Variants in PRKDC observed in about 807,000 individuals in gnomAD.
The protein encoded by PRKDC is DNA-dependent protein kinase catalytic subunit.
A neutral mutation model predicts 486.9 loss-of-function variants in PRKDC; 82 were observed. That is an observed-to-expected ratio of 0.17 (90% CI 0.14 to 0.20). The LOEUF is 0.20. PRKDC is among the 10% of genes least tolerant of loss of function. The probability of loss-of-function intolerance (pLI) is 1.00; values close to 1 mark genes in which losing one functional copy is unlikely to be tolerated. For missense variants in PRKDC, 4,504 were observed against 5,038.2 expected, an observed-to-expected ratio of 0.89 and a Z score of 3.21; for synonymous variants, 1,895 against 1,837.0, an observed-to-expected ratio of 1.03 and a Z score of -0.81.
intron 30 of PRKDC, among the ~76,000 whole-genome samples, chr8:47,894,675 A>T (rs905114531): frequency 1.6e-4 from 24 of 152,114 alleles, no homozygotes; most frequent in African/African-American, 5.8e-4. Flanking sequence ...CAGAGGGACA[A>T]CCCTGCACCT....
chr8:47,887,365 C>T (rs1361341430), intron 35 of PRKDC, among the ~76,000 whole-genome samples, 182 bp downstream of exon 35: 3 of 152,158 alleles, frequency 2.0e-5, no homozygotes, highest in East Asian at 1.9e-4. Flanking sequence ...TGTTCTATTC[C>T]GTTCTTTTTT....
chr8:47,943,220 A>G lies in PRKDC; in HGVS notation c.955T>C (p.Phe319Leu). The change falls in exon 10 of 86, where the codon TTT (phenylalanine) becomes CTT (leucine). Residue 319 changes from phenylalanine (F) to leucine (L), a missense_variant. By Grantham distance (22) the Phe-to-Leu change is conservative. This residue lies in a region of PRKDC where 1,969 missense variants were observed against 2,068.9 expected (regional missense o/e 0.95). Transcript: ENST00000314191. Reference sequence around the variant, plus strand: ...TGAATTTGTGGTACCTGTTTCAGAAAGGATTCCAGGGCTGAAAGTGCAGCT... The same window carrying G: ...TGAATTTGTGGTACCTGTTTCAGAAGGGATTCCAGGGCTGAAAGTGCAGCT... ...KKAALSALES[F>L]LKQVSNMVAK... 1.9e-6 allele frequency: 3 copies of G among 1,611,016 alleles called. No homozygotes were observed. Among genetic ancestry groups the G allele is most frequent in the Non-Finnish European group, 2.5e-6 (3 of 1,179,202 alleles).
At chr8:47,871,159 A>G (rs2088943728) in intron 40 of PRKDC, among the ~76,000 whole-genome samples, 1 of 152,208 alleles carries the variant, frequency 6.6e-6, no homozygotes, top group Admixed American at 6.5e-5. Flanking sequence ...CAGGGGTAGA[A>G]AGTTTTTTCA....
intron 21 of PRKDC, among the ~76,000 whole-genome samples, chr8:47,924,666 C>T (rs1415086237): frequency 6.6e-6 from 1 of 152,118 alleles, no homozygotes; most frequent in African/African-American, 2.4e-5. Flanking sequence ...CTAGAGGTCC[C>T]TTCAGTGGCC....
At chr8:47,798,019 CA>C (rs1416875051) in intron 73 of PRKDC, among the ~76,000 whole-genome samples, 5 of 152,232 alleles carry the variant, frequency 3.3e-5, no homozygotes, top group East Asian at 1.9e-4. Context: ...TGTTCAGACA[CA>C]GTGTTTTTAT....
chr8:47,930,702 GA>G lies in PRKDC; in HGVS notation c.1861del (p.Ser621ArgfsTer33). 6.3e-7 allele frequency: 1 copy of G among 1,582,032 alleles called. No individual in the cohort carries two copies. Among genetic ancestry groups the G allele is most frequent in the Admixed American group, 1.8e-5 (1 of 55,222 alleles). On this transcript the variant is annotated frameshift_variant, in exon 17 of 86. Transcript: ENST00000314191. LOFTEE classifies it high-confidence loss of function. ...AAATTCCACCAGGTTAATGAAAGCC[GA>G]AAAATCTTTAGGTTTAGCTGGATGC... Reference protein sequence around the residue: ...NLHPAKPKDFSAFINLVEFCR... With the variant: ...NLHPAKPKDFXAFINLVEFCR...
chr8:47,842,568 G>A (rs1047178642), intron 54 of PRKDC, among the ~76,000 whole-genome samples: 1 of 151,788 alleles, frequency 6.6e-6, no homozygotes, highest in Non-Finnish European at 1.5e-5. Context: ...GGAAAATGAT[G>A]AATAAGAAAA....
intron 16 of PRKDC, among the ~76,000 whole-genome samples, 151 bp from the exon 17 acceptor site, chr8:47,930,938 T>C (rs1027373640): frequency 2.0e-5 from 3 of 152,168 alleles, no homozygotes; most frequent in African/African-American, 4.8e-5. Context: ...TCAAGACCTA[T>C]GGTCTGATAA....
chr8:47,896,283 T>C (rs1248733628), intron 30 of PRKDC, among the ~76,000 whole-genome samples: 1 of 152,068 alleles, frequency 6.6e-6, no homozygotes, highest in Non-Finnish European at 1.5e-5. Flanking sequence ...AAGTCCTTTT[T>C]AGTTTTAGAA....
At chr8:47,808,673 T>C (rs1441236846) in intron 68 of PRKDC, among the ~76,000 whole-genome samples, 1 of 152,170 alleles carries the variant, frequency 6.6e-6, no homozygotes, top group Non-Finnish European at 1.5e-5. Context: ...ATAATTTACA[T>C]GTATGATTCT....
In PRKDC at chr8:47,882,036, T is replaced by G. The variant is rs767235558; in HGVS notation, c.4838A>C (p.His1613Pro). Reference protein sequence around the residue: ...QSFRERANQKHQGLKLATTIL... With the variant: ...QSFRERANQKPQGLKLATTIL... ...TGTAGTCGCAAGTTTCAGTCCTTGG[T>G]GTTTCTGGTTTGCTCGCTCCCTGAA... Residue 1613 changes from histidine (H) to proline (P), a missense_variant, in exon 37 of 86, where the codon CAC becomes CCC. Around this residue, in one of 6 missense-constraint regions of PRKDC, gnomAD observed 1,969 missense variants for 2,068.9 expected, o/e 0.95. Coordinates refer to ENST00000314191, the MANE Select transcript of PRKDC (RefSeq NM_006904.7). 24 of 1,613,936 alleles carry G rather than the reference T, an allele frequency of 1.5e-5. No homozygotes were observed. The highest frequency in any genetic ancestry group is 8.5e-7 in the Non-Finnish European group (1 of 1,179,892).
At chr8:47,845,329 A>G (rs750612673) in intron 54 of PRKDC, among the ~76,000 whole-genome samples, 26 of 152,244 alleles carry the variant, frequency 1.7e-4, no homozygotes, top group Non-Finnish European at 2.8e-4. Context: ...ATCTACACAA[A>G]GATTCAACAA....
intron 76 of PRKDC, among the ~76,000 whole-genome samples, chr8:47,788,398 C>A (rs535748090): frequency 2.6e-5 from 4 of 152,312 alleles, no homozygotes; most frequent in South Asian, 4.1e-4. Context: ...AACTCCAGCA[C>A]CCTCTGAAAG....
At chr8:47,775,708 A>G (rs1382089256) in intron 85 of PRKDC, among the ~76,000 whole-genome samples, 1 of 152,012 alleles carries the variant, frequency 6.6e-6, no homozygotes, top group Admixed American at 6.6e-5. Context: ...AAATTGTTTA[A>G]TTTTGATGAA....
chr8:47,796,612 T>G (rs982692470), intron 73 of PRKDC, among the ~76,000 whole-genome samples: 14 of 151,862 alleles, frequency 9.2e-5, no homozygotes, highest in East Asian at 1.9e-4. Flanking sequence ...TGTTGTTGTT[T>G]TTTTTGAGAC....
chr8:47,874,090 C>T (rs1333606797), intron 40 of PRKDC, among the ~76,000 whole-genome samples: 1 of 150,420 alleles, frequency 6.6e-6, no homozygotes, highest in Non-Finnish European at 1.5e-5. Context: ...ACTACAGGCG[C>T]CCACCACCAC....
At position 47,954,398 on chromosome 8, in the gene PRKDC, C is replaced by T; in HGVS notation, c.448G>A (p.Gly150Arg). 7.3e-7 allele frequency: 1 copy of T among 1,373,560 alleles called. No individual in the cohort carries two copies. The highest frequency in any genetic ancestry group is 1.5e-5 in the African/African-American group (1 of 68,504). The allele number at this position is 1,373,560 out of a possible 1,614,324, so 85.1% of individuals were successfully genotyped here. The change falls in exon 5 of 86, where the codon GGA becomes AGA. Residue 150 changes from glycine (G) to arginine (R), a missense_variant. Physicochemically the swap from Gly to Arg is moderately radical, Grantham distance 125. Transcript: ENST00000314191. ...SSRLMDEFKI[G>R]ELFSKFYGEL... Reference sequence around the variant, plus strand: ...CCATAGAATTTACTAAATAATTCTCCAATTTTAAATTCATCCATGAGTCTA... The same window carrying T: ...CCATAGAATTTACTAAATAATTCTCTAATTTTAAATTCATCCATGAGTCTA...
In PRKDC at chr8:47,782,536, C is replaced by T. The variant is rs1241953294; in HGVS notation, c.11238G>A (p.Arg3746=). 3 of 1,575,074 alleles carry T rather than the reference C, an allele frequency of 1.9e-6. No individual in the cohort carries two copies. Among genetic ancestry groups the T allele is most frequent in the Non-Finnish European group, 2.6e-6 (3 of 1,160,666 alleles). Residue 3746 remains arginine (R), a synonymous_variant, in exon 79 of 86, where the codon AGG becomes AGA. Transcript: ENST00000314191. This position sits in a 1 kb window ranked among gnomAD's most constrained non-coding sequence, Gnocchi z 4.9. Reference sequence around the variant, plus strand: ...CACCCTTCACCAGGAAAGGGTGTTCCCTCTCGTCATGGCCACGGATGATGA... The same window carrying T: ...CACCCTTCACCAGGAAAGGGTGTTCTCTCTCGTCATGGCCACGGATGATGA... ...KRIIIRGHDE[R]EHPFLVKGGE...
intron 7 of PRKDC, among the ~76,000 whole-genome samples, chr8:47,953,076 G>T (rs1303561432): frequency 2.0e-5 from 3 of 152,186 alleles, no homozygotes; most frequent in Non-Finnish European, 4.4e-5. Flanking sequence ...GGGAGGCAGA[G>T]GCTGCAGTGA....
Sources: gnomAD v4.1 joint callset for allele counts (sites outside exome capture counted in the v4.1 genomes callset) on GRCh38, gnomAD v4.1.1 for gene constraint, gnomAD v4.1.1 regional missense constraint, Gnocchi (gnomAD v3.1) non-coding constraint, MANE v1.5 for transcripts, NCBI Gene and HGNC (gene_info 2026-07-23, HGNC 2026-07-21) for gene names.